The following TRIM33 variants were observed in gnomAD, a reference collection of about 807,000 sequenced individuals.
TRIM33 encodes the protein E3 ubiquitin-protein ligase TRIM33.
In TRIM33, 20 loss-of-function variants were observed where a neutral mutation model predicts 125.4. The ratio of observed to expected loss-of-function variants is 0.16; its 90% CI spans 0.11 to 0.23. The LOEUF is 0.23. Ranked by LOEUF, TRIM33 falls within the 10% of genes least tolerant of loss-of-function variation. The pLI is 1.00. For synonymous variants in TRIM33, 564 were observed against 513.9 expected, an observed-to-expected ratio of 1.10 and a Z score of -1.32; for missense variants, 920 against 1,411.4, an observed-to-expected ratio of 0.65 and a Z score of 5.58.
At chr1:114,444,082 T>C (rs1648824073) in intron 4 of TRIM33, among the ~76,000 whole-genome samples, 1 of 152,086 alleles carries the variant, frequency 6.6e-6, no homozygotes, top group Non-Finnish European at 1.5e-5. Context: ...TCTCTGTCTG[T>C]AGACAATTTT....
chr1:114,428,422 GAAGT>G (rs761904087), intron 6 of TRIM33, among the ~76,000 whole-genome samples: 41 of 152,162 alleles, frequency 2.7e-4, no homozygotes, highest in African/African-American at 4.3e-4. Context: ...AGAGAACAAA[GAAGT>G]AAGGACTGAC....
At chr1:114,468,561 G>GA (rs559925170) in intron 1 of TRIM33, 2 of 396,078 alleles carry the variant, frequency 5.0e-6, no homozygotes, top group Non-Finnish European at 9.8e-6. Context: ...GAAAAGAAAA[G>GA]AAAAAAACAA....
At chr1:114,444,841 A>G (rs1332092109) in intron 4 of TRIM33, among the ~76,000 whole-genome samples, 1 of 152,244 alleles carries the variant, frequency 6.6e-6, no homozygotes, top group African/African-American at 2.4e-5. Flanking sequence ...AAAAGTACTC[A>G]ATACAAATTG....
intron 7 of TRIM33, 151 bp downstream of exon 7, chr1:114,427,597 A>C: frequency 1.4e-6 from 1 of 724,832 alleles, no homozygotes; most frequent in Non-Finnish European, 2.2e-6. Context: ...GAATGAGGAA[A>C]CTTTGGGGGG....
intron 1 of TRIM33, chr1:114,469,032 T>G (rs1650480180): frequency 4.1e-6 from 1 of 243,262 alleles, no homozygotes; most frequent in Non-Finnish European, 8.2e-6. Context: ...CTGAACTGGG[T>G]ACAAGTGGTT....
intron 1 of TRIM33, among the ~76,000 whole-genome samples, chr1:114,506,000 A>T (rs114378404): frequency 6.6e-6 from 1 of 152,184 alleles, no homozygotes; most frequent in African/African-American, 2.4e-5. Context: ...GAATCATATA[A>T]CCTAACGGGA....
chr1:114,407,016 A>C lies in TRIM33; in HGVS notation c.2343T>G (p.Thr781=). 1 of 1,614,018 alleles carries C rather than the reference A, an allele frequency of 6.2e-7. No individual in the cohort carries two copies. The highest frequency in any genetic ancestry group is 1.1e-5 in the South Asian group (1 of 91,068). The change falls in exon 14 of 20, where the codon ACT becomes ACG. Residue 781 remains threonine, a synonymous_variant. Coordinates refer to ENST00000358465, the MANE Select transcript of TRIM33 (RefSeq NM_015906.4). ...DQVKVKQEPG[T]EDEICSFSGG... The stretch of plus-strand genomic sequence containing the variant: ...CTGAAAAGCTACATATTTCATCTTC[A>C]GTCCCAGGTTCTTGCTTGACCTTCA...
At chr1:114,468,144 C>T (rs1650418753) in intron 1 of TRIM33, among the ~76,000 whole-genome samples, 2 of 152,190 alleles carry the variant, frequency 1.3e-5, no homozygotes, top group Non-Finnish European at 2.9e-5. Context: ...TTCCTCTCTC[C>T]ACCATGCACC....
chr1:114,468,601 G>C (rs1650449597), intron 1 of TRIM33: 1 of 409,418 alleles, frequency 2.4e-6, no homozygotes, highest in Non-Finnish European at 4.7e-6. Context: ...TGAAGCTGAA[G>C]AAGGTGTAAA....
At chr1:114,433,247 G>T (rs774062025) in intron 5 of TRIM33, among the ~76,000 whole-genome samples, 47 of 152,122 alleles carry the variant, frequency 3.1e-4, no homozygotes, top group Non-Finnish European at 4.6e-4. Flanking sequence ...TTCAATGCTT[G>T]TTTTACAAAT....
intron 1 of TRIM33, among the ~76,000 whole-genome samples, chr1:114,490,249 C>T (rs900481616): frequency 2.0e-5 from 3 of 152,022 alleles, no homozygotes; most frequent in Admixed American, 6.6e-5. Flanking sequence ...ACAGACATTT[C>T]ATCAGAGAAG....
At chr1:114,487,741 C>CA (rs1354661523) in intron 1 of TRIM33, among the ~76,000 whole-genome samples, 15 of 149,174 alleles carry the variant, frequency 1.0e-4, no homozygotes, top group Non-Finnish European at 2.2e-4. Flanking sequence ...ACTAAAAATA[C>CA]AAAAAATTAG....
chr1:114,468,684 A>T, intron 1 of TRIM33: 1 of 443,640 alleles, frequency 2.3e-6, no homozygotes. Flanking sequence ...GCTTGGCAAT[A>T]AAAAGAAGAA....
chr1:114,407,022 A>G lies in TRIM33; in HGVS notation c.2337T>C (p.Pro779=), dbSNP rs764717702. ...KSDQVKVKQE[P]GTEDEICSFS... is the part of the protein sequence containing the mutation. ...AGCTACATATTTCATCTTCAGTCCC[A>G]GGTTCTTGCTTGACCTTCACCTGAT... is the stretch of plus-strand genomic sequence containing the variant. The change falls in exon 14 of 20, where the codon CCT becomes CCC. Residue 779 remains proline, a synonymous_variant. Coordinates refer to ENST00000358465, the MANE Select transcript of TRIM33 (RefSeq NM_015906.4). 3 of 1,613,994 alleles carry G rather than the reference A, an allele frequency of 1.9e-6. No individual in the cohort carries two copies. The highest frequency in any genetic ancestry group is 2.5e-6 in the Non-Finnish European group (3 of 1,179,906).
At chr1:114,484,745 G>A (rs113892544) in intron 1 of TRIM33, among the ~76,000 whole-genome samples, 9,524 of 152,132 alleles carry the variant, frequency 0.063, 321 homozygotes, top group African/African-American at 0.086. Context: ...TGCACCAGTA[G>A]TCCCAGTTAC....
chr1:114,479,297 C>A lies in TRIM33; in HGVS notation c.527-14909G>T, dbSNP rs185342328. Among the ~76,000 whole-genome samples, 6 of 152,216 alleles carry A rather than the reference C, an allele frequency of 3.9e-5. No individual in the cohort carries two copies. The East Asian group carries it at 1.2e-3, about 29-fold the overall frequency. On this transcript the variant is annotated intron_variant, in intron 1 of 19. Transcript: ENST00000358465. Reference sequence around the variant, plus strand: ...TCAAAACCTGATGAAACACATTAATCTGCAGATTCAAAAAGGGGAGAGAAC... The same window carrying A: ...TCAAAACCTGATGAAACACATTAATATGCAGATTCAAAAAGGGGAGAGAAC...
chr1:114,429,190 C>CT (rs34957665), intron 6 of TRIM33, among the ~76,000 whole-genome samples: 3,971 of 140,232 alleles, frequency 0.028, 89 homozygotes, highest in Non-Finnish European at 0.036. Context: ...CACAAGAGTA[C>CT]TTTTTTTTTT....
At chr1:114,501,827 C>T (rs1652738903) in intron 1 of TRIM33, among the ~76,000 whole-genome samples, 1 of 125,016 alleles carries the variant, frequency 8.0e-6, no homozygotes, top group South Asian at 2.6e-4. Context: ...AGCATATAAG[C>T]ATTCAAATGT....
In TRIM33 at chr1:114,511,115, CCGCCGCCCGCGT is replaced by C; in HGVS notation, c.-51_-40del. 8.8e-7 allele frequency: 1 copy of C among 1,132,402 alleles called. No homozygotes were observed. Among genetic ancestry groups the C allele is most frequent in the Non-Finnish European group, 1.1e-6 (1 of 927,636 alleles). 70.1% of individuals were successfully genotyped at this position (1,132,402 alleles called of 1,614,324 possible). ...AACCCGCCGGACCGCCCCGCGCCGC[CCGCCGCCCGCGT>C]CGCCGCCGCCGCCGCCCCCAGCCCC... On this transcript the variant is annotated 5_prime_UTR_variant, in exon 1 of 20. Coordinates refer to ENST00000358465, the MANE Select transcript of TRIM33 (RefSeq NM_015906.4).
Sources: gnomAD v4.1 joint callset for allele counts (sites outside exome capture counted in the v4.1 genomes callset) on GRCh38, gnomAD v4.1.1 for gene constraint, MANE v1.5 for transcripts, NCBI Gene and HGNC (gene_info 2026-07-23, HGNC 2026-07-21) for gene names.